Variants in TENM3 observed in about 807,000 individuals in gnomAD.
TENM3 encodes the protein teneurin transmembrane protein 3.
A neutral mutation model predicts 255.1 loss-of-function variants in TENM3; 63 were observed. The observed-to-expected ratio is 0.25, with a 90% CI of 0.20 to 0.30. The LOEUF is 0.30. Among genes scored for constraint, TENM3 ranks in the 10% least tolerant of loss-of-function variants. The pLI is 1.00. For missense variants in TENM3, 2,929 were observed against 3,461.1 expected (o/e 0.85, Z 3.86); for synonymous variants, 1,306 against 1,322.3 (o/e 0.99, Z 0.27).
the TENM3 span, among the ~76,000 whole-genome samples, chr4:181,578,810 A>G: frequency 6.6e-6 from 1 of 152,172 alleles, no homozygotes; most frequent in East Asian, 1.9e-4. Context: ...GTTATGTTGG[A>G]TTAACTCATT....
the TENM3 span, among the ~76,000 whole-genome samples, chr4:181,605,487 AAAGAAAGAAAG>A: frequency 1.4e-4 from 1 of 7,196 alleles, no homozygotes; most frequent in Non-Finnish European, 2.8e-4. Context: ...ACAGAGAAAG[AAAGAAAGAAAG>A]AAAGAAAGAA....
At chr4:181,614,500 G>A in the TENM3 span, among the ~76,000 whole-genome samples, 1 of 152,188 alleles carries the variant, frequency 6.6e-6, no homozygotes, top group Non-Finnish European at 1.5e-5. Context: ...GAACCTGGAT[G>A]TTTAAACTCT....
At chr4:182,667,895 A>G (rs1404763885) in intron 6 of TENM3, among the ~76,000 whole-genome samples, 1 of 151,902 alleles carries the variant, frequency 6.6e-6, no homozygotes, top group Non-Finnish European at 1.5e-5. Flanking sequence ...GCATGTATAC[A>G]TATGTAACAA....
intron 1 of TENM3, among the ~76,000 whole-genome samples, chr4:182,159,278 T>A (rs575245410): frequency 1.3e-5 from 2 of 152,300 alleles, no homozygotes; most frequent in South Asian, 4.1e-4. Flanking sequence ...GGAATTGAAT[T>A]TGGAGACTGA....
At chr4:181,789,856 G>A in the TENM3 span, among the ~76,000 whole-genome samples, 1 of 152,018 alleles carries the variant, frequency 6.6e-6, no homozygotes, top group East Asian at 1.9e-4. Flanking sequence ...CCCCTCCCCG[G>A]TACCATGTCC....
intron 20 of TENM3, among the ~76,000 whole-genome samples, 159 bp from the exon 21 acceptor site, chr4:182,753,291 T>C (rs1380585820): frequency 6.6e-6 from 1 of 152,190 alleles, no homozygotes; most frequent in Non-Finnish European, 1.5e-5. Context: ...AATGCCTGTG[T>C]TGGTTTTTTC....
chr4:182,684,569 G>A (rs756728471), intron 11 of TENM3, among the ~76,000 whole-genome samples: 2 of 151,950 alleles, frequency 1.3e-5, no homozygotes, highest in Non-Finnish European at 2.9e-5. Flanking sequence ...TTATACAGTT[G>A]AGGTAAGGCT....
the TENM3 span, among the ~76,000 whole-genome samples, chr4:181,639,184 T>C: frequency 6.6e-6 from 1 of 152,140 alleles, no homozygotes; most frequent in Admixed American, 6.5e-5. Flanking sequence ...TGGGAAATGA[T>C]GGACTAAGAA....
chr4:181,894,031 T>TG, the TENM3 span, among the ~76,000 whole-genome samples: 1 of 141,786 alleles, frequency 7.1e-6, no homozygotes, highest in Non-Finnish European at 1.5e-5. Context: ...TTTGAGAAGT[T>TG]GAAAAAAAAA....
intron 12 of TENM3, among the ~76,000 whole-genome samples, chr4:182,712,879 C>T (rs1460739065): frequency 2.0e-5 from 3 of 152,170 alleles, no homozygotes; most frequent in Admixed American, 1.3e-4. Context: ...ATAGCTCTGT[C>T]CACAGAAATC....
intron 2 of TENM3, among the ~76,000 whole-genome samples, chr4:182,339,046 C>T (rs901349444): frequency 1.3e-5 from 2 of 152,170 alleles, no homozygotes; most frequent in African/African-American, 4.8e-5. Context: ...AGTGTTCCCC[C>T]TCACCTCTGT....
At chr4:182,374,266 A>G (rs1767032178) in intron 3 of TENM3, among the ~76,000 whole-genome samples, 1 of 152,142 alleles carries the variant, frequency 6.6e-6, no homozygotes, top group African/African-American at 2.4e-5. Flanking sequence ...TTATAGACTA[A>G]ATCTGAGCTG....
chr4:182,323,353 C>A (rs1763175284), intron 1 of TENM3, among the ~76,000 whole-genome samples: 1 of 148,882 alleles, frequency 6.7e-6, no homozygotes, highest in African/African-American at 2.5e-5. Flanking sequence ...TTCCACAGTT[C>A]AAGACATTTG....
intron 3 of TENM3, among the ~76,000 whole-genome samples, chr4:182,525,901 C>T (rs1274176696): frequency 6.6e-6 from 1 of 152,224 alleles, no homozygotes; most frequent in Non-Finnish European, 1.5e-5. Flanking sequence ...CAACTCATTA[C>T]TGATTTAGAT....
chr4:181,520,832 C>T, the TENM3 span, among the ~76,000 whole-genome samples: 1 of 152,142 alleles, frequency 6.6e-6, no homozygotes, highest in Non-Finnish European at 1.5e-5. Flanking sequence ...TTCACGACCC[C>T]AGAAGTTCCA....
intron 3 of TENM3, among the ~76,000 whole-genome samples, chr4:182,452,939 G>C (rs901478346): frequency 2.6e-5 from 4 of 151,830 alleles, no homozygotes; most frequent in African/African-American, 9.7e-5. Context: ...TTGGGTATTT[G>C]GAATACCTTG....
the TENM3 span, among the ~76,000 whole-genome samples, chr4:182,095,273 C>T: frequency 7.9e-5 from 12 of 152,276 alleles, no homozygotes; most frequent in African/African-American, 2.9e-4. Flanking sequence ...ACAGAATCAA[C>T]CTAAGTACCC....
chr4:181,796,113 C>T, the TENM3 span, among the ~76,000 whole-genome samples: 1 of 152,194 alleles, frequency 6.6e-6, no homozygotes, highest in African/African-American at 2.4e-5. Flanking sequence ...TAATGGGCTG[C>T]AGCTGCCAGC....
At chr4:181,767,268 AAAAG>A in the TENM3 span, among the ~76,000 whole-genome samples, 6 of 150,008 alleles carry the variant, frequency 4.0e-5, no homozygotes, top group African/African-American at 7.4e-5. Flanking sequence ...AAAAAAAAAA[AAAAG>A]AAAGAAAACA....
Sources: gnomAD v4.1 joint callset for allele counts (sites outside exome capture counted in the v4.1 genomes callset) on GRCh38, gnomAD v4.1.1 for gene constraint, MANE v1.5 for transcripts, NCBI Gene and HGNC (gene_info 2026-07-23, HGNC 2026-07-21) for gene names.